The following FGF12 variants were observed in gnomAD, a reference collection of about 807,000 sequenced individuals.
FGF12 encodes the protein fibroblast growth factor 12, also known as fibroblast growth factor 12B.
FGF12 carries 14 observed loss-of-function variants against 23.6 expected under a neutral mutation model. That is an observed-to-expected ratio of 0.59 (90% CI 0.39 to 0.93). The LOEUF (loss-of-function observed/expected upper bound fraction) is 0.93, where lower values mean the gene tolerates loss of function less well. FGF12 is among the 40% of genes least tolerant of loss of function. The probability of loss-of-function intolerance (pLI) is 0.00; values close to 1 mark genes in which losing one functional copy is unlikely to be tolerated. For synonymous variants in FGF12, 62 were observed against 77.3 expected, an observed-to-expected ratio of 0.80 and a Z score of 1.04; for missense variants, 175 against 217.8, an observed-to-expected ratio of 0.80 and a Z score of 1.24.
chr3:192,658,187 A>G (rs928519767), intron 2 of FGF12, among the ~76,000 whole-genome samples: 2 of 152,246 alleles, frequency 1.3e-5, no homozygotes, highest in African/African-American at 4.8e-5. Context: ...CCACTGTTTA[A>G]AAAATTACAT....
In FGF12 at chr3:192,165,517, ATTT is replaced by A. The variant is rs72495238; in HGVS notation, c.427+4938_427+4940del. On this transcript the variant is annotated intron_variant, in intron 5 of 5. Coordinates refer to ENST00000445105, the MANE Select transcript of FGF12 (RefSeq NM_004113.6). ...AGAACTTTAGAAATCATCTGGTCCA[ATTT>A]TTTTTTTTTTTTTTGCTGAGTGGAA... 5.7e-3 allele frequency among the ~76,000 whole-genome samples: 833 copies of A among 145,730 alleles called. 3 individuals are homozygous for A. Among genetic ancestry groups the A allele is most frequent in the African/African-American group, 0.016 (617 of 39,790 alleles).
At chr3:192,232,861 GT>G (rs1719094108) in intron 4 of FGF12, among the ~76,000 whole-genome samples, 1 of 152,088 alleles carries the variant, frequency 6.6e-6, no homozygotes, top group African/African-American at 2.4e-5. Context: ...CTTCATCCAT[GT>G]TGCTGCAAAG....
chr3:192,191,360 T>C (rs765167950), intron 4 of FGF12, among the ~76,000 whole-genome samples: 1 of 152,184 alleles, frequency 6.6e-6, no homozygotes, highest in Non-Finnish European at 1.5e-5. Flanking sequence ...GTGAACCCTA[T>C]TGTAAACTAT....
At chr3:192,369,050 G>A (rs144658006) in intron 2 of FGF12, among the ~76,000 whole-genome samples, 2 of 152,230 alleles carry the variant, frequency 1.3e-5, no homozygotes, top group Non-Finnish European at 2.9e-5. Flanking sequence ...GGAGAGCTGT[G>A]CACTATTTTA....
intron 5 of FGF12, among the ~76,000 whole-genome samples, chr3:192,167,059 T>G (rs140954083): frequency 9.9e-5 from 15 of 151,564 alleles, no homozygotes; most frequent in Non-Finnish European, 1.9e-4. Flanking sequence ...ATCAGAGATA[T>G]TCTAAAATTA....
chr3:192,314,841 T>C (rs1705992608), intron 4 of FGF12, among the ~76,000 whole-genome samples: 2 of 152,190 alleles, frequency 1.3e-5, no homozygotes, highest in African/African-American at 4.8e-5. Flanking sequence ...GAGTTACATG[T>C]AGAATTATGT....
At chr3:192,444,709 A>C (rs1180359659) in intron 2 of FGF12, among the ~76,000 whole-genome samples, 4 of 152,234 alleles carry the variant, frequency 2.6e-5, no homozygotes, top group Non-Finnish European at 5.9e-5. Flanking sequence ...CCTCGTGGAC[A>C]TGAGGGAAAT....
chr3:192,181,951 A>G (rs1716203902), intron 4 of FGF12, among the ~76,000 whole-genome samples: 1 of 152,338 alleles, frequency 6.6e-6, no homozygotes, highest in African/African-American at 2.4e-5. Flanking sequence ...AATATGTTCT[A>G]GAGAAAACAT....
At chr3:192,468,146 G>T (rs905581791) in intron 2 of FGF12, among the ~76,000 whole-genome samples, 5 of 152,188 alleles carry the variant, frequency 3.3e-5, no homozygotes, top group Non-Finnish European at 5.9e-5. Flanking sequence ...TTTCCTGTCT[G>T]ATGGTTTCAA....
At chr3:192,637,374 T>A (rs1328490908) in intron 2 of FGF12, among the ~76,000 whole-genome samples, 1 of 152,328 alleles carries the variant, frequency 6.6e-6, no homozygotes, top group South Asian at 2.1e-4. Context: ...TGTATCATAT[T>A]TGTGGCCCCT....
rs191321221 is a variant in FGF12, at chr3:192,272,379, T to G, written c.228+62982A>C. ...ATTATCTGATTTTGTGAAATTGCTA[T>G]GTAAAAATGTAATCCATTTCATGAA... On this transcript the variant is annotated intron_variant, in intron 4 of 5. Coordinates refer to ENST00000445105, the MANE Select transcript of FGF12 (RefSeq NM_004113.6). Among the ~76,000 whole-genome samples the G allele has an allele frequency of 1.8e-3, 273 of 152,288 alleles. 2 individuals are homozygous for G. The highest frequency in any genetic ancestry group is 5.3e-3 in the African/African-American group (222 of 41,580).
At chr3:192,238,378 C>T (rs959119213) in intron 4 of FGF12, 5 of 152,538 alleles carry the variant, frequency 3.3e-5, no homozygotes, top group African/African-American at 1.2e-4. Context: ...CAGGGAAAGA[C>T]TATGGGCAGG....
Position 192,251,393 on chromosome 3 carries a change from G to T in FGF12, c.229-80737C>A, listed in dbSNP as rs76146292. On this transcript the variant is annotated intron_variant, in intron 4 of 5. Coordinates refer to ENST00000445105, the MANE Select transcript of FGF12 (RefSeq NM_004113.6). ...ATTCCTAAATTTGGCTATAACAGGT[G>T]TATCAGTTGATTCACCAACTTTCAA... Among the ~76,000 whole-genome samples the T allele has an allele frequency of 6.6e-3, 1,008 of 152,244 alleles. 3 individuals carry two copies. Among genetic ancestry groups the T allele is most frequent in the African/African-American group, 0.023 (965 of 41,546 alleles).
At chr3:192,313,168 A>AT (rs917801615) in intron 4 of FGF12, among the ~76,000 whole-genome samples, 8 of 152,062 alleles carry the variant, frequency 5.3e-5, no homozygotes, top group East Asian at 1.9e-4. Context: ...GTTTACATTT[A>AT]TTTTTTTTAC....
intron 2 of FGF12, among the ~76,000 whole-genome samples, chr3:192,533,141 T>G (rs968346597): frequency 6.6e-6 from 1 of 152,184 alleles, no homozygotes; most frequent in Admixed American, 6.5e-5. Flanking sequence ...CACTTCTTCT[T>G]CAAAAGTGTA....
chr3:192,302,685 G>GT (rs1396613452), intron 4 of FGF12, among the ~76,000 whole-genome samples: 1 of 152,198 alleles, frequency 6.6e-6, no homozygotes, highest in East Asian at 1.9e-4. Context: ...GTTTACTGCT[G>GT]TATCAACCTG....
chr3:192,669,637 G>T (rs1394866455), intron 2 of FGF12, among the ~76,000 whole-genome samples: 2 of 132,624 alleles, frequency 1.5e-5, no homozygotes, highest in Non-Finnish European at 1.7e-5. Context: ...AAAAAAATTG[G>T]TGTGATCCAG....
chr3:192,208,671 A>C (rs528334808), intron 4 of FGF12, among the ~76,000 whole-genome samples: 1 of 152,344 alleles, frequency 6.6e-6, no homozygotes, highest in South Asian at 2.1e-4. Context: ...ATGTAGAATA[A>C]TTTCAATTTT....
chr3:192,556,537 A>G (rs577792839), intron 2 of FGF12, among the ~76,000 whole-genome samples: 1 of 152,178 alleles, frequency 6.6e-6, no homozygotes, highest in Non-Finnish European at 1.5e-5. Context: ...CACTGATAGA[A>G]CTGAAGGGAG....
Sources: allele counts gnomAD v4.1 joint callset (sites outside exome capture counted in the v4.1 genomes callset), GRCh38; gene constraint gnomAD v4.1.1; transcripts MANE v1.5; gene names NCBI Gene and HGNC (gene_info 2026-07-23, HGNC 2026-07-21).